FOXN3: variants seen among roughly 807,000 people sequenced by gnomAD.
The protein encoded by FOXN3 is forkhead box protein N3.
Under a neutral mutation model 38.4 loss-of-function variants are expected in FOXN3, and 7 were observed. The observed-to-expected ratio is 0.18, with a 90% CI of 0.10 to 0.34. The LOEUF is 0.34. Among genes scored for constraint, FOXN3 ranks in the 10% least tolerant of loss-of-function variants. The pLI, the probability that FOXN3 is intolerant of heterozygous loss-of-function variation, is 1.00. For missense variants in FOXN3, 456 were observed against 613.4 expected, an observed-to-expected ratio of 0.74 and a Z score of 2.71; for synonymous variants, 230 against 242.2, an observed-to-expected ratio of 0.95 and a Z score of 0.47.
intron 1 of FOXN3, among the ~76,000 whole-genome samples, chr14:89,513,756 G>A (rs1409078938): frequency 6.6e-6 from 1 of 151,860 alleles, no homozygotes; most frequent in Non-Finnish European, 1.5e-5. Flanking sequence ...CACCACATCC[G>A]GCTGATTTTT....
At chr14:89,401,763 G>C in intron 2 of FOXN3, 1 of 420,402 alleles carries the variant, frequency 2.4e-6, no homozygotes, top group South Asian at 1.7e-5. Context: ...TGTCCCTCGA[G>C]GAGGACAGTC....
intron 1 of FOXN3, among the ~76,000 whole-genome samples, chr14:89,554,597 G>T (rs928433568): frequency 6.6e-6 from 1 of 152,154 alleles, no homozygotes; most frequent in Admixed American, 6.5e-5. Flanking sequence ...TCAAGAATAT[G>T]CAGTGAAAAC....
chr14:89,414,548 C>A (rs1891640518), intron 1 of FOXN3, among the ~76,000 whole-genome samples: 1 of 144,528 alleles, frequency 6.9e-6, no homozygotes. Flanking sequence ...AGAGGCCCAA[C>A]CGGTTTTTTT....
At chr14:89,340,103 G>A (rs1888574824) in intron 3 of FOXN3, among the ~76,000 whole-genome samples, 3 of 152,064 alleles carry the variant, frequency 2.0e-5, no homozygotes, top group Non-Finnish European at 2.9e-5. Context: ...GAAGAAGGAA[G>A]GGGGGTGCAG....
intron 1 of FOXN3, among the ~76,000 whole-genome samples, chr14:89,416,588 C>A (rs1407470291): frequency 1.3e-5 from 2 of 152,132 alleles, no homozygotes; most frequent in East Asian, 1.9e-4. Flanking sequence ...GCGGGGACCC[C>A]GTCCTCCGCA....
intron 3 of FOXN3, chr14:89,291,703 T>C (rs1886877965): frequency 2.6e-6 from 1 of 380,636 alleles, no homozygotes; most frequent in South Asian, 2.2e-5. Context: ...TACTGAAGTT[T>C]CATCACATTC....
chr14:89,416,504 G>A lies in FOXN3; in HGVS notation c.-15+367C>T, dbSNP rs539975782. Among the ~76,000 whole-genome samples, 25 of 152,248 alleles carry A rather than the reference G, an allele frequency of 1.6e-4. No homozygotes were observed. The South Asian group carries it at 1.7e-3, about 10-fold the overall frequency. ...CAAGTCTGCACAGTTTGGCCGGGGG[G>A]TGATCTTTGTTAGGAGCCTGTTTCT... On this transcript the variant is annotated intron_variant, in intron 1 of 5. Coordinates refer to ENST00000557258, the MANE Select transcript of FOXN3 (RefSeq NM_005197.4).
intron 2 of FOXN3, among the ~76,000 whole-genome samples, chr14:89,360,353 G>A (rs1270735942): frequency 4.5e-5 from 1 of 21,992 alleles, no homozygotes; most frequent in Non-Finnish European, 1.2e-4. Flanking sequence ...AAAGAGAAAG[G>A]GAGGGAGGGA....
rs868688029 is a variant in FOXN3 at position 89,488,274 on chromosome 14, G to A, written c.-14-75784C>T. ...ATTTTCGTACTTTTAGTACAGACAG[G>A]GTTTCGCCATGTTGGTCAGGCTGGG... On this transcript the variant is annotated intron_variant, in intron 1 of 6. Coordinates refer to the FOXN3 transcript ENST00000345097. 5.3e-5 allele frequency among the ~76,000 whole-genome samples: 8 copies of A among 151,978 alleles called. No individual in the cohort carries two copies. In the Middle Eastern group the frequency reaches 0.01, roughly 194 times the overall value.
At chr14:89,190,407 G>A (rs771953269) in intron 4 of FOXN3, 5 of 1,613,738 alleles carry the variant, frequency 3.1e-6, no homozygotes, top group Admixed American at 3.3e-5. Context: ...CTCAGGGGGA[G>A]TATTCAAAAG....
intron 4 of FOXN3, chr14:89,263,671 CCAAT>C (rs1184861829): frequency 6.6e-6 from 1 of 152,138 alleles, no homozygotes; most frequent in African/African-American, 2.4e-5. Flanking sequence ...TTGCAGCTGC[CCAAT>C]CAGTTTTGAA....
intron 4 of FOXN3, among the ~76,000 whole-genome samples, chr14:89,188,099 G>A (rs974751222): frequency 6.6e-6 from 1 of 152,088 alleles, no homozygotes; most frequent in African/African-American, 2.4e-5. Context: ...GAAGGCTGTG[G>A]CTGGATTTCT....
At chr14:89,278,773 GAAAA>G (rs1886374415) in intron 4 of FOXN3, among the ~76,000 whole-genome samples, 1 of 152,110 alleles carries the variant, frequency 6.6e-6, no homozygotes, top group Admixed American at 6.5e-5. Flanking sequence ...TTGCTATAGG[GAAAA>G]ACGAGGGATG....
intron 2 of FOXN3, among the ~76,000 whole-genome samples, chr14:89,359,353 T>G (rs928994312): frequency 6.6e-6 from 1 of 151,894 alleles, no homozygotes; most frequent in Non-Finnish European, 1.5e-5. Flanking sequence ...CAACAAAATA[T>G]TAAATAGCCA....
chr14:89,503,529 G>A (rs551242063), intron 1 of FOXN3, among the ~76,000 whole-genome samples: 1 of 152,334 alleles, frequency 6.6e-6, no homozygotes, highest in Non-Finnish European at 1.5e-5. Context: ...TATGCTACTG[G>A]TGCATGAATT....
At chr14:89,269,713 G>A (rs1324952709) in intron 4 of FOXN3, among the ~76,000 whole-genome samples, 1 of 152,054 alleles carries the variant, frequency 6.6e-6, no homozygotes, top group Non-Finnish European at 1.5e-5. Flanking sequence ...TGACATTGGA[G>A]GGCCAAAAGC....
At chr14:89,565,939 G>A (rs189626183) in intron 1 of FOXN3, among the ~76,000 whole-genome samples, 227 of 152,326 alleles carry the variant, frequency 1.5e-3, no homozygotes, top group Admixed American at 4.1e-3. Flanking sequence ...ACCTGCTAGT[G>A]TCAAGGTCAT....
intron 4 of FOXN3, among the ~76,000 whole-genome samples, chr14:89,260,412 C>G (rs1487206897): frequency 2.0e-5 from 3 of 152,230 alleles, no homozygotes; most frequent in African/African-American, 7.2e-5. Flanking sequence ...TGGGCTGGCA[C>G]CCCTGTGCTC....
chr14:89,439,679 G>A (rs1402111420), intron 1 of FOXN3, among the ~76,000 whole-genome samples: 2 of 139,990 alleles, frequency 1.4e-5, no homozygotes, highest in African/African-American at 2.7e-5. Context: ...TTTTTGAGAC[G>A]GAGTCTTGCT....
Sources: allele counts gnomAD v4.1 joint callset (sites outside exome capture counted in the v4.1 genomes callset), GRCh38; gene constraint gnomAD v4.1.1; transcripts MANE v1.5; gene names NCBI Gene and HGNC (gene_info 2026-07-23, HGNC 2026-07-21).